The following CCDC148 variants were observed in gnomAD, a reference collection of about 807,000 sequenced individuals.
CCDC148 encodes the protein coiled-coil domain containing 148.
A neutral mutation model predicts 85.7 loss-of-function variants in CCDC148; 89 were observed. That is an observed-to-expected ratio of 1.04 (90% CI 0.87 to 1.24). The LOEUF is 1.24. Ranked by LOEUF, CCDC148 falls within the 50% of genes most tolerant of loss-of-function variation. The pLI is 0.00. For missense variants in CCDC148, 692 were observed against 671.7 expected (o/e 1.03, Z -0.33); for synonymous variants, 230 against 213.9 (o/e 1.08, Z -0.66).
intron 1 of CCDC148, among the ~76,000 whole-genome samples, chr2:158,419,524 C>G (rs1686667939): frequency 6.6e-6 from 1 of 152,120 alleles, no homozygotes; most frequent in Non-Finnish European, 1.5e-5. Flanking sequence ...TGGCTTTGAA[C>G]AATTTGCTTA....
chr2:158,447,828 A>G (rs1688223972), intron 1 of CCDC148, among the ~76,000 whole-genome samples: 1 of 152,128 alleles, frequency 6.6e-6, no homozygotes, highest in South Asian at 2.1e-4. Flanking sequence ...ATTTTTTCAC[A>G]GGCTGTTATT....
Position 158,176,679 on chromosome 2 carries a change from T to C in CCDC148, c.1489-18A>G, listed in dbSNP as rs761955753. The C allele has an allele frequency of 2.5e-6, 4 of 1,610,858 alleles. No homozygotes were observed. In the South Asian group the frequency reaches 4.4e-5, roughly 18 times the overall value. On this transcript the variant is annotated intron_variant, in intron 12 of 13. Transcript: ENST00000283233. ...ACAGCAACCTAAAAATGAGAAAGCA[T>C]GGCTACTTGGAACAAGGTACAAACT... is the stretch of plus-strand genomic sequence containing the variant.
chr2:158,364,411 T>C (rs893422086), intron 1 of CCDC148, among the ~76,000 whole-genome samples: 1 of 152,124 alleles, frequency 6.6e-6, no homozygotes, highest in Admixed American at 6.6e-5. Context: ...CCTCAAACTA[T>C]ACTAAAAGGC....
At chr2:158,348,403 TTACAAAA>T (rs1265788448) in intron 2 of CCDC148, among the ~76,000 whole-genome samples, 1 of 149,384 alleles carries the variant, frequency 6.7e-6, no homozygotes, top group African/African-American at 2.5e-5. Context: ...AAAAAATAAA[TTACAAAA>T]TACAAAAGGA....
chr2:158,404,342 A>G (rs894423898), intron 1 of CCDC148, among the ~76,000 whole-genome samples: 2 of 152,124 alleles, frequency 1.3e-5, no homozygotes, highest in Non-Finnish European at 2.9e-5. Flanking sequence ...GCTACACAAC[A>G]TGAAATACAA....
chr2:158,294,054 T>TTCCTTCCTTCCC (rs1559049889), intron 9 of CCDC148, among the ~76,000 whole-genome samples: 6 of 95,868 alleles, frequency 6.3e-5, no homozygotes, highest in African/African-American at 2.4e-4. Flanking sequence ...CCTTCCTTCC[T>TTCCTTCCTTCCC]TCCTTCCTTC....
chr2:158,317,843 T>C (rs1261867775), intron 7 of CCDC148, among the ~76,000 whole-genome samples: 1 of 152,126 alleles, frequency 6.6e-6, no homozygotes, highest in Non-Finnish European at 1.5e-5. Context: ...CCAGGCAAAA[T>C]GGTAATTAGT....
chr2:158,334,259 C>G (rs902243408), intron 7 of CCDC148, among the ~76,000 whole-genome samples: 5 of 152,144 alleles, frequency 3.3e-5, no homozygotes, highest in Non-Finnish European at 7.4e-5. Context: ...TCATGTATTT[C>G]TGCTCCAGTA....
intron 1 of CCDC148, among the ~76,000 whole-genome samples, chr2:158,443,515 A>AAAAAGAAAGAAAAG (rs1553524477): frequency 9.9e-6 from 1 of 100,896 alleles, no homozygotes; most frequent in Non-Finnish European, 2.0e-5. Context: ...AAAAAAAAAA[A>AAAAAGAAAGAAAAG]AAAAAAAAGA....
intron 7 of CCDC148, among the ~76,000 whole-genome samples, chr2:158,315,661 T>A (rs1158271526): frequency 6.6e-6 from 1 of 151,930 alleles, no homozygotes; most frequent in Non-Finnish European, 1.5e-5. Context: ...TCGCCTTTAT[T>A]AGATGGAATT....
intron 1 of CCDC148, among the ~76,000 whole-genome samples, chr2:158,453,921 C>G (rs1308755110): frequency 2.0e-5 from 3 of 152,128 alleles, no homozygotes; most frequent in Non-Finnish European, 4.4e-5. Context: ...CCCCTACTTT[C>G]CAGCACTTTT....
intron 1 of CCDC148, among the ~76,000 whole-genome samples, chr2:158,389,945 G>A (rs1451015087): frequency 6.6e-6 from 1 of 152,042 alleles, no homozygotes; most frequent in Admixed American, 6.6e-5. Flanking sequence ...AGATTATATT[G>A]GTAATTCCCA....
At chr2:158,342,032 T>A (rs1397511429) in intron 3 of CCDC148, among the ~76,000 whole-genome samples, 1 of 139,458 alleles carries the variant, frequency 7.2e-6, no homozygotes, top group Non-Finnish European at 1.6e-5. Flanking sequence ...TTTTCTTTTT[T>A]TTTTTTTTTT....
chr2:158,330,017 T>C (rs192104299), intron 7 of CCDC148, among the ~76,000 whole-genome samples: 324 of 152,306 alleles, frequency 2.1e-3, no homozygotes, highest in Middle Eastern at 0.017. Flanking sequence ...CCTGCCTGAT[T>C]GCCCTGGCCA....
At chr2:158,307,104 A>T (rs1691730411) in intron 9 of CCDC148, among the ~76,000 whole-genome samples, 1 of 151,892 alleles carries the variant, frequency 6.6e-6, no homozygotes, top group African/African-American at 2.4e-5. Context: ...ATTAAAATTA[A>T]GAAGTTTTGT....
intron 1 of CCDC148, among the ~76,000 whole-genome samples, chr2:158,449,116 G>A (rs569322673): frequency 2.0e-5 from 3 of 151,988 alleles, no homozygotes; most frequent in Admixed American, 2.0e-4. Flanking sequence ...ATGAGCCACC[G>A]TGCCCGACCG....
intron 10 of CCDC148, among the ~76,000 whole-genome samples, chr2:158,225,991 C>T (rs1316482101): frequency 6.6e-6 from 1 of 152,110 alleles, no homozygotes; most frequent in African/African-American, 2.4e-5. Context: ...CACAAAAACC[C>T]TTCAAAAAAT....
intron 1 of CCDC148, among the ~76,000 whole-genome samples, chr2:158,430,767 A>G (rs1241252907): frequency 6.6e-6 from 1 of 152,204 alleles, no homozygotes; most frequent in Non-Finnish European, 1.5e-5. Context: ...CAAAAAATCC[A>G]GTAAATAAAA....
At chr2:158,421,514 G>C (rs1686781041) in intron 1 of CCDC148, among the ~76,000 whole-genome samples, 1 of 152,140 alleles carries the variant, frequency 6.6e-6, no homozygotes, top group Non-Finnish European at 1.5e-5. Context: ...AATGAAGGCA[G>C]AAATAAAGAT....
Sources: allele counts gnomAD v4.1 joint callset (sites outside exome capture counted in the v4.1 genomes callset), GRCh38; gene constraint gnomAD v4.1.1; transcripts MANE v1.5; gene names NCBI Gene and HGNC (gene_info 2026-07-23, HGNC 2026-07-21).